The following USP12 variants were observed in gnomAD, a reference collection of about 807,000 sequenced individuals.
USP12 encodes the protein ubiquitin carboxyl-terminal hydrolase 12.
A neutral mutation model predicts 45.5 loss-of-function variants in USP12; 19 were observed. The ratio of observed to expected loss-of-function variants is 0.42; its 90% CI spans 0.29 to 0.61. USP12 has a LOEUF of 0.61. Among genes scored for constraint, USP12 ranks in the 20% least tolerant of loss-of-function variants. The pLI, the probability that USP12 is intolerant of heterozygous loss-of-function variation, is 0.22. For synonymous variants in USP12, 149 were observed against 148.8 expected, an observed-to-expected ratio of 1.00 and a Z score of -0.01; for missense variants, 242 against 447.7, an observed-to-expected ratio of 0.54 and a Z score of 4.15.
chr13:27,138,851 C>T (rs540407644), intron 1 of USP12, among the ~76,000 whole-genome samples: 1 of 152,210 alleles, frequency 6.6e-6, no homozygotes, highest in South Asian at 2.1e-4. Flanking sequence ...ACAGAGAAAC[C>T]CATATTCACC....
intron 1 of USP12, among the ~76,000 whole-genome samples, chr13:27,126,118 G>A (rs1359285315): frequency 3.3e-5 from 5 of 152,230 alleles, no homozygotes; most frequent in Non-Finnish European, 7.3e-5. Flanking sequence ...AGAGACCAGT[G>A]GTTCTCCCAG....
rs548550264 is a variant in USP12 at position 27,129,414 on chromosome 13, T to C, written c.49-12818A>G. 6.4e-4 allele frequency among the ~76,000 whole-genome samples: 98 copies of C among 152,356 alleles called. No individual in the cohort carries two copies. The highest frequency in any genetic ancestry group is 2.3e-3 in the African/African-American group (95 of 41,582). On this transcript the variant is annotated intron_variant, in intron 1 of 8. Transcript: ENST00000282344. The surrounding 1 kb of genome is among the most constrained non-coding windows in gnomAD (Gnocchi z 4.0). The stretch of plus-strand genomic sequence containing the variant: ...ACCACACCATCAACAGCTCATAAAA[T>C]GACAGTGTCACTCTAAAGCTATGCG...
chr13:27,137,933 A>C (rs1251876098), intron 1 of USP12, among the ~76,000 whole-genome samples: 1 of 152,260 alleles, frequency 6.6e-6, no homozygotes, highest in African/African-American at 2.4e-5. Flanking sequence ...GCGGCCTCTC[A>C]GCACTGAGGG....
chr13:27,075,075 T>C (rs1873415334), intron 7 of USP12, 116 bp downstream of exon 7: 1 of 910,912 alleles, frequency 1.1e-6, no homozygotes, highest in African/African-American at 1.7e-5. Flanking sequence ...AAAATTATCT[T>C]GAGAGAATAC....
intron 1 of USP12, among the ~76,000 whole-genome samples, chr13:27,139,561 A>G (rs1876961702): frequency 6.6e-6 from 1 of 152,180 alleles, no homozygotes; most frequent in Non-Finnish European, 1.5e-5. Flanking sequence ...GGCTGCAGTG[A>G]GCCGAGATCG....
intron 6 of USP12, among the ~76,000 whole-genome samples, chr13:27,082,985 G>A (rs532627220): frequency 5.3e-4 from 81 of 152,292 alleles, no homozygotes; most frequent in Non-Finnish European, 7.5e-4. Flanking sequence ...ATAGGCATGC[G>A]CCACCACGTC....
chr13:27,069,463 T>A, intron 8 of USP12, 79 bp from the exon 9 acceptor site: 3 of 760,580 alleles, frequency 3.9e-6, no homozygotes, highest in Non-Finnish European at 6.8e-6. Flanking sequence ...AGACTGACAA[T>A]ACCAAGTATT....
At chr13:27,103,458 A>G (rs1005794568) in intron 3 of USP12, among the ~76,000 whole-genome samples, 4 of 151,982 alleles carry the variant, frequency 2.6e-5, no homozygotes, top group African/African-American at 9.7e-5. Context: ...AGTTTAGAAA[A>G]ATGAAGCAAA....
At chr13:27,090,232 T>G (rs1333364280) in intron 4 of USP12, 74 bp from the exon 5 acceptor site, 1 of 1,201,438 alleles carries the variant, frequency 8.3e-7, no homozygotes, top group Non-Finnish European at 1.2e-6. Flanking sequence ...CAGAATTAAA[T>G]GCCATTCTAT....
At chr13:27,169,519 TAC>T (rs1878489410) in intron 1 of USP12, among the ~76,000 whole-genome samples, 1 of 152,208 alleles carries the variant, frequency 6.6e-6, no homozygotes, top group Non-Finnish European at 1.5e-5. Context: ...CAAATATGAA[TAC>T]AGACACACCC....
intron 1 of USP12, among the ~76,000 whole-genome samples, chr13:27,146,326 C>T (rs1333085347): frequency 2.0e-5 from 3 of 152,054 alleles, no homozygotes; most frequent in South Asian, 2.1e-4. Flanking sequence ...TACTTGAACC[C>T]GTGAGGCAGA....
chr13:27,136,144 T>C (rs1200496305), intron 1 of USP12, among the ~76,000 whole-genome samples: 2 of 152,160 alleles, frequency 1.3e-5, no homozygotes, highest in African/African-American at 4.8e-5. Context: ...CTGTGACCGT[T>C]AGAGAAGCAC....
At chr13:27,161,464 T>C (rs1311900647) in intron 1 of USP12, among the ~76,000 whole-genome samples, 1 of 152,202 alleles carries the variant, frequency 6.6e-6, no homozygotes, top group Non-Finnish European at 1.5e-5. Flanking sequence ...AAAGTCTCTT[T>C]TCAGGGATCC....
intron 1 of USP12, among the ~76,000 whole-genome samples, chr13:27,121,500 A>C (rs1242536461): frequency 6.6e-6 from 1 of 152,170 alleles, no homozygotes; most frequent in Admixed American, 6.6e-5. Flanking sequence ...AATTACAAAA[A>C]CACACAGGAA....
At chr13:27,096,702 C>T (rs527950677) in intron 3 of USP12, among the ~76,000 whole-genome samples, 17 of 152,240 alleles carry the variant, frequency 1.1e-4, no homozygotes, top group Non-Finnish European at 2.2e-4. Flanking sequence ...AGCCTGACTC[C>T]ACCATGCCAC....
At chr13:27,148,815 A>ACACACACACACACACACAC (rs1232624646) in intron 1 of USP12, among the ~76,000 whole-genome samples, 28 of 12,606 alleles carry the variant, frequency 2.2e-3, no homozygotes, top group Non-Finnish European at 4.8e-3. Flanking sequence ...CACACACACA[A>ACACACACACACACACACAC]AAATCAGGTG....
At chr13:27,126,489 T>G (rs1157455173) in intron 1 of USP12, among the ~76,000 whole-genome samples, 2 of 152,194 alleles carry the variant, frequency 1.3e-5, no homozygotes, top group Non-Finnish European at 2.9e-5. Flanking sequence ...TCATTATAGC[T>G]TTTCATGTTG....
At chr13:27,096,643 A>G (rs1874595939) in intron 3 of USP12, among the ~76,000 whole-genome samples, 1 of 152,198 alleles carries the variant, frequency 6.6e-6, no homozygotes, top group Non-Finnish European at 1.5e-5. Context: ...GACGAGACAG[A>G]GTACAGTCAC....
At chr13:27,155,414 A>AT (rs1417984973) in intron 1 of USP12, among the ~76,000 whole-genome samples, 6 of 152,080 alleles carry the variant, frequency 3.9e-5, no homozygotes, top group African/African-American at 1.4e-4. Flanking sequence ...AACTTGTGTG[A>AT]TTTTAAGCCA....
Sources: gnomAD v4.1 joint callset for allele counts (sites outside exome capture counted in the v4.1 genomes callset) on GRCh38, gnomAD v4.1.1 for gene constraint, Gnocchi (gnomAD v3.1) non-coding constraint, MANE v1.5 for transcripts, NCBI Gene and HGNC (gene_info 2026-07-23, HGNC 2026-07-21) for gene names.